SPIDR: variants seen among roughly 807,000 people sequenced by gnomAD.
The protein encoded by SPIDR is scaffold protein involved in DNA repair, also known as DNA repair-scaffolding protein.
SPIDR carries 93 observed loss-of-function variants against 104.6 expected under a neutral mutation model. The observed-to-expected ratio is 0.89, with a 90% CI of 0.75 to 1.06. SPIDR has a LOEUF of 1.06. Among genes scored for constraint, SPIDR ranks in the 50% least tolerant of loss-of-function variants. The probability of loss-of-function intolerance (pLI) is 0.00; values close to 1 mark genes in which losing one functional copy is unlikely to be tolerated. For synonymous variants in SPIDR, 431 were observed against 416.9 expected, an observed-to-expected ratio of 1.03 and a Z score of -0.41; for missense variants, 1,154 against 1,111.2, an observed-to-expected ratio of 1.04 and a Z score of -0.55.
In SPIDR at chr8:47,373,210, T is replaced by TA. The variant is rs1439100605; in HGVS notation, c.526-23159dup. Among the ~76,000 whole-genome samples the TA allele has an allele frequency of 7.2e-5, 11 of 152,276 alleles. No individual in the cohort carries two copies. In the East Asian group the frequency reaches 2.1e-3, roughly 29 times the overall value. ...ATTTCCTAATTGAAAAGCATAAATT[T>TA]AAAAAAATCACATTTGTTAAAAATT... On this transcript the variant is annotated intron_variant, in intron 5 of 19. Transcript: ENST00000297423.
At chr8:47,290,906 A>G (rs1263661569) in intron 3 of SPIDR, 127 bp from the exon 4 acceptor site, 2 of 569,986 alleles carry the variant, frequency 3.5e-6, no homozygotes, top group Non-Finnish European at 3.1e-6. Flanking sequence ...TTTGACATAG[A>G]CATTGCTTTT....
chr8:47,454,871 C>G (rs1239429718), intron 8 of SPIDR, among the ~76,000 whole-genome samples: 5 of 151,756 alleles, frequency 3.3e-5, no homozygotes, highest in African/African-American at 1.2e-4. Context: ...ACACATCAAA[C>G]TGCTGTCTCA....
intron 5 of SPIDR, among the ~76,000 whole-genome samples, chr8:47,377,210 G>T (rs1219121610): frequency 1.3e-5 from 2 of 152,136 alleles, no homozygotes; most frequent in Non-Finnish European, 2.9e-5. Context: ...AGCTATACCT[G>T]ATTACCACCA....
chr8:47,401,031 T>A (rs1191022638), intron 6 of SPIDR, among the ~76,000 whole-genome samples: 1 of 151,586 alleles, frequency 6.6e-6, no homozygotes, highest in Non-Finnish European at 1.5e-5. Flanking sequence ...AGACACATAA[T>A]TGTCACATTC....
At chr8:47,376,751 T>C (rs1488392853) in intron 5 of SPIDR, among the ~76,000 whole-genome samples, 3 of 152,256 alleles carry the variant, frequency 2.0e-5, no homozygotes, top group African/African-American at 7.2e-5. Context: ...CAAGGTACAT[T>C]GAGTGATGAG....
intron 8 of SPIDR, among the ~76,000 whole-genome samples, chr8:47,492,483 A>G (rs1368134943): frequency 6.6e-6 from 1 of 152,222 alleles, no homozygotes; most frequent in Non-Finnish European, 1.5e-5. Context: ...AGTGATTAGC[A>G]TGGAATACCA....
intron 10 of SPIDR, among the ~76,000 whole-genome samples, chr8:47,627,879 T>G (rs1233374160): frequency 6.6e-6 from 1 of 152,214 alleles, no homozygotes; most frequent in Non-Finnish European, 1.5e-5. Context: ...ATTAGTTCTT[T>G]TTATAGCAGC....
At chr8:47,544,216 T>G (rs763322784) in intron 8 of SPIDR, among the ~76,000 whole-genome samples, 1 of 152,202 alleles carries the variant, frequency 6.6e-6, no homozygotes, top group Non-Finnish European at 1.5e-5. Context: ...TATGTGTTCT[T>G]GTTTTTTGCT....
At chr8:47,654,264 C>T (rs769145795) in intron 10 of SPIDR, 8 of 966,744 alleles carry the variant, frequency 8.3e-6, no homozygotes, top group Non-Finnish European at 1.1e-5. Flanking sequence ...GAAGCACCTG[C>T]CTAATCCATG....
chr8:47,386,904 GAT>G (rs35768286), intron 5 of SPIDR, among the ~76,000 whole-genome samples: 4 of 126,934 alleles, frequency 3.2e-5, no homozygotes, highest in Non-Finnish European at 5.0e-5. Flanking sequence ...GAGAGAGAGA[GAT>G]ATAGATATAG....
At chr8:47,468,494 A>G (rs1038702705) in intron 8 of SPIDR, among the ~76,000 whole-genome samples, 1 of 152,210 alleles carries the variant, frequency 6.6e-6, no homozygotes, top group Non-Finnish European at 1.5e-5. Context: ...TAGTACTGGT[A>G]CAAAAACAGA....
intron 8 of SPIDR, among the ~76,000 whole-genome samples, chr8:47,447,283 G>T (rs782425474): frequency 1.3e-5 from 2 of 152,056 alleles, no homozygotes; most frequent in Middle Eastern, 3.4e-3. Context: ...GCACAGTCTC[G>T]GCTCACTGCA....
chr8:47,719,495 C>T (rs1042442709), intron 16 of SPIDR, among the ~76,000 whole-genome samples: 1 of 151,398 alleles, frequency 6.6e-6, no homozygotes, highest in Non-Finnish European at 1.5e-5. Flanking sequence ...GGCGACAGAG[C>T]GAGACTCCGT....
rs930633512 is a variant in SPIDR, at chr8:47,604,559, T to A, written c.1544+5363T>A. Among the ~76,000 whole-genome samples the A allele has an allele frequency of 3.3e-5, 5 of 152,322 alleles. No homozygotes were observed. The South Asian group carries it at 1.0e-3, about 32-fold the overall frequency. ...TCCAGGTCAGAGAGGACTGGTGGGTTCCTGAGTCTCCTGTGGCTTTGCCAG... is the reference window on the plus strand; with the variant it reads ...TCCAGGTCAGAGAGGACTGGTGGGTACCTGAGTCTCCTGTGGCTTTGCCAG... On this transcript the variant is annotated intron_variant, in intron 10 of 19. Coordinates refer to ENST00000297423, the MANE Select transcript of SPIDR (RefSeq NM_001080394.4).
intron 4 of SPIDR, among the ~76,000 whole-genome samples, chr8:47,291,694 G>A (rs923274575): frequency 9.3e-4 from 141 of 152,278 alleles, no homozygotes; most frequent in African/African-American, 3.3e-3. Flanking sequence ...TGATGAGAAT[G>A]GATTGGGATT....
intron 8 of SPIDR, among the ~76,000 whole-genome samples, chr8:47,483,128 GT>G (rs1351701761): frequency 2.1e-5 from 3 of 142,942 alleles, no homozygotes; most frequent in Non-Finnish European, 3.1e-5. Flanking sequence ...TAGCTACTTG[GT>G]TTTTTTTTGT....
At chr8:47,691,290 CAAAA>C (rs60147394) in intron 11 of SPIDR, among the ~76,000 whole-genome samples, 7 of 86,662 alleles carry the variant, frequency 8.1e-5, no homozygotes, top group South Asian at 4.1e-4. Context: ...GACTCCGTCT[CAAAA>C]AAAAAAAAAA....
intron 8 of SPIDR, among the ~76,000 whole-genome samples, chr8:47,506,950 T>A (rs2081576731): frequency 1.3e-5 from 2 of 152,190 alleles, no homozygotes; most frequent in African/African-American, 4.8e-5. Flanking sequence ...CATGTTGTAC[T>A]TCTACCACTG....
intron 10 of SPIDR, chr8:47,660,527 C>T: frequency 1.0e-6 from 1 of 985,272 alleles, no homozygotes. Context: ...GATTCTGCTG[C>T]TACCCTGTTC....
Sources: gnomAD v4.1 joint callset for allele counts (sites outside exome capture counted in the v4.1 genomes callset) on GRCh38, gnomAD v4.1.1 for gene constraint, MANE v1.5 for transcripts, NCBI Gene and HGNC (gene_info 2026-07-23, HGNC 2026-07-21) for gene names.